The following DUS1L variants were observed in gnomAD, a reference collection of about 807,000 sequenced individuals.
DUS1L encodes tRNA-dihydrouridine(16/17) synthase [NAD(P)(+)]-like.
Under a neutral mutation model 61.2 loss-of-function variants are expected in DUS1L, and 56 were observed. The ratio of observed to expected loss-of-function variants is 0.92; its 90% CI spans 0.74 to 1.14. The LOEUF (loss-of-function observed/expected upper bound fraction) is 1.14. Ranked by LOEUF, DUS1L falls within the 50% of genes most tolerant of loss-of-function variation. DUS1L has a pLI of 0.00. For missense variants in DUS1L, 630 were observed against 632.4 expected (o/e 1.00, Z 0.04); for synonymous variants, 278 against 259.5 (o/e 1.07, Z -0.69).
intron 10 of DUS1L, 30 bp from the exon 11 acceptor site, chr17:82,060,123 G>A (rs770696836): frequency 1.9e-5 from 31 of 1,604,802 alleles, no homozygotes; most frequent in Middle Eastern, 1.7e-4. Context: ...CAGAGCCCAA[G>A]GACACTGTGA....
Position 82,065,069 on chromosome 17 carries a change from G to A in DUS1L, c.-10C>T, listed in dbSNP as rs1010245851. On this transcript the variant is annotated splice_region_variant and 5_prime_UTR_variant, in exon 2 of 14. Coordinates refer to ENST00000306796, the MANE Select transcript of DUS1L (RefSeq NM_022156.5). ...CCTGCAGCTTTGGCATCGTCTCCAGGCTGGGGGAAAGGCGCAGACCCGGGG... is the reference window on the plus strand; with the variant it reads ...CCTGCAGCTTTGGCATCGTCTCCAGACTGGGGGAAAGGCGCAGACCCGGGG... 9.5e-6 allele frequency: 15 copies of A among 1,584,858 alleles called. No homozygotes were observed. The Admixed American group carries it at 1.8e-4, about 19-fold the overall frequency.
intron 10 of DUS1L, 129 bp downstream of exon 10, chr17:82,060,572 C>T (rs896729503): frequency 2.4e-6 from 3 of 1,254,664 alleles, no homozygotes; most frequent in East Asian, 2.5e-5. Context: ...CCTCCCTCCT[C>T]CTTTCCCTTG....
In DUS1L at chr17:82,065,467, A is replaced by G. The variant is rs371372769; in HGVS notation, c.-11+146T>C. 896 of 178,388 alleles carry G rather than the reference A, an allele frequency of 5.0e-3. 6 individuals carry two copies. The highest frequency in any genetic ancestry group is 0.02 in the African/African-American group (829 of 42,214). 11.1% of individuals were successfully genotyped at this position (178,388 alleles called of 1,614,324 possible). On this transcript the variant is annotated intron_variant, in intron 1 of 13. Transcript: ENST00000306796. ...CTCCGCGCCGGGCCAGGGGAAGGGCAGAGCTTCCTTCTCCGCACCCGGCCA... is the reference window on the plus strand; with the variant it reads ...CTCCGCGCCGGGCCAGGGGAAGGGCGGAGCTTCCTTCTCCGCACCCGGCCA...
chr17:82,058,805 CTT>C lies in DUS1L; in HGVS notation c.1180_1181del (p.Lys394ValfsTer2). On this transcript the variant is annotated frameshift_variant, in exon 12 of 14. Coordinates refer to ENST00000306796, the MANE Select transcript of DUS1L (RefSeq NM_022156.5). LOFTEE classifies it high-confidence loss of function. ...CCTTTGGGTTTCCACACTGGTCACA[CTT>C]TGCATATTTTGCTAGGAAAAGAACA... is the stretch of plus-strand genomic sequence containing the variant. ...FDPSLKPKYA[K>X]CDQCGNPKGN... 6.2e-7 allele frequency: 1 copy of C among 1,613,416 alleles called. No individual in the cohort carries two copies. Among genetic ancestry groups the C allele is most frequent in the Non-Finnish European group, 8.5e-7 (1 of 1,179,890 alleles).
intron 7 of DUS1L, 76 bp from the exon 8 acceptor site, chr17:82,061,429 A>G (rs114225731): frequency 6.6e-7 from 1 of 1,525,398 alleles, no homozygotes; most frequent in Admixed American, 1.9e-5. Flanking sequence ...TGGGACACTC[A>G]GGACACCCTT....
In DUS1L at chr17:82,063,505, G is replaced by A; in HGVS notation, c.360C>T (p.Ala120=). 6.2e-7 allele frequency: 1 copy of A among 1,613,680 alleles called. No homozygotes were observed. The highest frequency in any genetic ancestry group is 8.5e-7 in the Non-Finnish European group (1 of 1,179,984). ...QMIAKRGHYG[A]FLQDEWDLLQ... is the part of the protein sequence containing the mutation. ...GCAGGTCCCACTCGTCCTGCAGAAA[G>A]GCGCCATAGTGACCTGCAAGGAGCA... is the stretch of plus-strand genomic sequence containing the variant. The change falls in exon 4 of 14, where the codon GCC becomes GCT. Residue 120 remains alanine, a synonymous_variant. Coordinates refer to ENST00000306796, the MANE Select transcript of DUS1L (RefSeq NM_022156.5).
At chr17:82,064,677 GTGCCACC>G in intron 2 of DUS1L, 139 bp downstream of exon 2, 1 of 828,756 alleles carries the variant, frequency 1.2e-6, no homozygotes, top group East Asian at 2.7e-5. Flanking sequence ...TACATGCCTG[GTGCCACC>G]TTCTCCCTCT....
rs375305355 is a variant in DUS1L at position 82,060,584 on chromosome 17, G to A, written c.1022+117C>T. ...AGGCCTCCCTCCTCCTTTCCCTTGG[G>A]CAGGAGATGACTGACCATAATGGCT... On this transcript the variant is annotated intron_variant, in intron 10 of 13. Coordinates refer to ENST00000306796, the MANE Select transcript of DUS1L (RefSeq NM_022156.5). 2.1e-4 allele frequency: 280 copies of A among 1,314,138 alleles called. 1 individual carries two copies. The African/African-American group carries it at 3.5e-3, about 17-fold the overall frequency. The allele number at this position is 1,314,138 out of a possible 1,614,324, so 81.4% of individuals were successfully genotyped here.
At chr17:82,058,869 C>A in intron 11 of DUS1L, 51 bp from the exon 12 acceptor site, 1 of 1,533,748 alleles carries the variant, frequency 6.5e-7, no homozygotes, top group Non-Finnish European at 9.0e-7. Context: ...GGTGCCCTGG[C>A]TGTGGGGGCT....
At chr17:82,065,385 T>G in intron 1 of DUS1L, 2 of 303,420 alleles carry the variant, frequency 6.6e-6, no homozygotes, top group Admixed American at 4.7e-5. Context: ...GGCCTGGCCC[T>G]GAGCAGGCCG....
At chr17:82,062,720 T>G in intron 5 of DUS1L, 141 bp downstream of exon 5, 2 of 681,746 alleles carry the variant, frequency 2.9e-6, no homozygotes, top group South Asian at 3.6e-5. Context: ...TCAGAGCCAG[T>G]GGGGACAGGC....
intron 11 of DUS1L, 34 bp downstream of exon 11, chr17:82,059,914 C>T: frequency 6.2e-7 from 1 of 1,612,236 alleles, no homozygotes; most frequent in Middle Eastern, 1.7e-4. Context: ...GATGAAGAGG[C>T]TCTCTCGGGC....
intron 1 of DUS1L, 100 bp downstream of exon 1, chr17:82,065,513 A>C: frequency 6.3e-6 from 1 of 157,638 alleles, no homozygotes; most frequent in Non-Finnish European, 1.4e-5. Flanking sequence ...CTGGCCCGAA[A>C]CGCCACAGGG....
chr17:82,058,113 C>A lies in DUS1L; in HGVS notation c.*2G>T. 1 of 1,542,776 alleles carries A rather than the reference C, an allele frequency of 6.5e-7. No individual in the cohort carries two copies. Among genetic ancestry groups the A allele is most frequent in the South Asian group, 1.2e-5 (1 of 83,254 alleles). On this transcript the variant is annotated 3_prime_UTR_variant, in exon 14 of 14. Coordinates refer to ENST00000306796, the MANE Select transcript of DUS1L (RefSeq NM_022156.5). Reference sequence around the variant, plus strand: ...AGTCCTGGGGGTGGGGGTTGTGGGCCTTCAGGCCAGGGCACTGCCCATGAC... The same window carrying A: ...AGTCCTGGGGGTGGGGGTTGTGGGCATTCAGGCCAGGGCACTGCCCATGAC...
chr17:82,064,060 C>T, intron 3 of DUS1L, 66 bp downstream of exon 3: 1 of 1,435,652 alleles, frequency 7.0e-7, no homozygotes, highest in East Asian at 2.3e-5. Flanking sequence ...CTCACCACAC[C>T]TGGGGCTGCA....
chr17:82,058,881 C>G, intron 11 of DUS1L, 63 bp from the exon 12 acceptor site: 1 of 1,450,880 alleles, frequency 6.9e-7, no homozygotes, highest in Non-Finnish European at 9.7e-7. Flanking sequence ...GTGGGGGCTG[C>G]CCCGTCCGCC....
chr17:82,059,800 A>G, intron 11 of DUS1L, 148 bp downstream of exon 11: 2 of 1,167,320 alleles, frequency 1.7e-6, no homozygotes, highest in Non-Finnish European at 2.5e-6. Flanking sequence ...AGTCTGGCTG[A>G]CTACTCCGCC....
At chr17:82,063,615 G>T in intron 3 of DUS1L, 97 bp from the exon 4 acceptor site, 2 of 1,489,136 alleles carry the variant, frequency 1.3e-6, no homozygotes, top group South Asian at 1.2e-5. Flanking sequence ...ATCCACGCAG[G>T]CCAGGAGCTG....
rs541317232 is a variant in DUS1L at position 82,057,815 on chromosome 17, G to A, written c.*300C>T. On this transcript the variant is annotated 3_prime_UTR_variant, in exon 14 of 14. Transcript: ENST00000306796. ...TCAGAAGCCCCCACTGGCCCCAACC[G>A]CACCTGCCCCGGCTCATGCCTCCCT... is the stretch of plus-strand genomic sequence containing the variant. 2.7e-4 allele frequency: 77 copies of A among 285,126 alleles called. No individual in the cohort carries two copies. Among genetic ancestry groups the A allele is most frequent in the African/African-American group, 1.5e-3 (70 of 45,776 alleles). 17.7% of individuals were successfully genotyped at this position (285,126 alleles called of 1,614,324 possible).
Sources: allele counts gnomAD v4.1 joint callset, GRCh38; gene constraint gnomAD v4.1.1; transcripts MANE v1.5; gene names NCBI Gene and HGNC (gene_info 2026-07-23, HGNC 2026-07-21).